KCNK13: variants seen among roughly 807,000 people sequenced by gnomAD.
KCNK13 encodes the protein potassium channel subfamily K member 13.
Under a neutral mutation model 23.4 loss-of-function variants are expected in KCNK13, and 12 were observed. The ratio of observed to expected loss-of-function variants is 0.51; its 90% CI spans 0.33 to 0.83. The LOEUF is 0.83. Among genes scored for constraint, KCNK13 ranks in the 40% least tolerant of loss-of-function variants. The pLI is 0.02. For missense variants in KCNK13, 463 were observed against 556.3 expected, an observed-to-expected ratio of 0.83 and a Z score of 1.69; for synonymous variants, 231 against 229.5, an observed-to-expected ratio of 1.01 and a Z score of -0.06.
chr14:90,173,689 A>T (rs1451593772), intron 1 of KCNK13, among the ~76,000 whole-genome samples: 2 of 152,168 alleles, frequency 1.3e-5, no homozygotes, highest in African/African-American at 4.8e-5. Context: ...CTTGCAAGCA[A>T]GGGAAAATTT....
At chr14:90,083,581 C>T (rs1889237987) in intron 1 of KCNK13, among the ~76,000 whole-genome samples, 1 of 152,106 alleles carries the variant, frequency 6.6e-6, no homozygotes, top group Non-Finnish European at 1.5e-5. Context: ...AGGGCTCTGC[C>T]CACTTGGATG....
Position 90,185,150 on chromosome 14 carries a change from C to T in KCNK13, c.*147C>T, listed in dbSNP as rs1192042405. On this transcript the variant is annotated 3_prime_UTR_variant, in exon 2 of 2. Transcript: ENST00000282146. The stretch of plus-strand genomic sequence containing the variant: ...GCAAGCATCTTTAGAAATCTGATCT[C>T]GGCTCCAACCAACAGCCACCTTCCA... 6 of 657,114 alleles carry T rather than the reference C, an allele frequency of 9.1e-6. No homozygotes were observed. Among genetic ancestry groups the T allele is most frequent in the African/African-American group, 9.0e-5 (5 of 55,504 alleles). 40.7% of individuals were successfully genotyped at this position (657,114 alleles called of 1,614,324 possible).
intron 1 of KCNK13, among the ~76,000 whole-genome samples, chr14:90,081,482 CAT>C (rs1889209273): frequency 6.6e-6 from 1 of 152,220 alleles, no homozygotes; most frequent in South Asian, 2.1e-4. Flanking sequence ...AGCACACACA[CAT>C]GAGGTCCTTC....
chr14:90,139,121 T>C (rs933815575), intron 1 of KCNK13, among the ~76,000 whole-genome samples: 3 of 152,100 alleles, frequency 2.0e-5, no homozygotes, highest in Admixed American at 1.3e-4. Context: ...TGCTAACTGG[T>C]GAGGTCCGTC....
chr14:90,162,023 C>T (rs1256260561), intron 1 of KCNK13, among the ~76,000 whole-genome samples: 1 of 152,060 alleles, frequency 6.6e-6, no homozygotes, highest in East Asian at 1.9e-4. Flanking sequence ...TACAATACAT[C>T]AAAAAACTTA....
intron 1 of KCNK13, among the ~76,000 whole-genome samples, chr14:90,134,529 A>T (rs1340303514): frequency 6.6e-6 from 1 of 152,240 alleles, no homozygotes; most frequent in Non-Finnish European, 1.5e-5. Context: ...TGAAATGTTG[A>T]TGTTTGTAGA....
chr14:90,078,703 G>A (rs547441642), intron 1 of KCNK13, among the ~76,000 whole-genome samples: 56 of 152,076 alleles, frequency 3.7e-4, no homozygotes, highest in Non-Finnish European at 6.3e-4. Flanking sequence ...TGATTTCATG[G>A]GCTAATGGGT....
chr14:90,093,298 T>C (rs905746233), intron 1 of KCNK13, among the ~76,000 whole-genome samples: 4 of 152,224 alleles, frequency 2.6e-5, no homozygotes, highest in Non-Finnish European at 5.9e-5. Flanking sequence ...AATTAACTAG[T>C]TGAGCAGAAC....
intron 1 of KCNK13, among the ~76,000 whole-genome samples, chr14:90,103,736 T>C (rs1889508907): frequency 6.6e-6 from 1 of 152,168 alleles, no homozygotes; most frequent in African/African-American, 2.4e-5. Context: ...CTAATTTTTG[T>C]ATTTTTAGTA....
rs753595002 is a variant in KCNK13, at chr14:90,062,316, C to T, written c.111C>T (p.Val37=). Reference sequence around the variant, plus strand: ...TCTACCTGCTGGGCGGCGCCGCCGTCTTCTCCGCGCTGGAGCTGGCGCACG... The same window carrying T: ...TCTACCTGCTGGGCGGCGCCGCCGTTTTCTCCGCGCTGGAGCTGGCGCACG... ...IVLYLLGGAA[V]FSALELAHER... Residue 37 remains valine (V), a synonymous_variant, in exon 1 of 2, where the codon GTC becomes GTT. Transcript: ENST00000282146. The surrounding 1 kb of genome is among the most constrained non-coding windows in gnomAD (Gnocchi z 4.5). 34 of 1,554,874 alleles carry T rather than the reference C, an allele frequency of 2.2e-5. No homozygotes were observed. The highest frequency in any genetic ancestry group is 2.9e-5 in the Non-Finnish European group (34 of 1,156,970).
At chr14:90,163,050 G>A (rs1890267465) in intron 1 of KCNK13, among the ~76,000 whole-genome samples, 1 of 152,194 alleles carries the variant, frequency 6.6e-6, no homozygotes, top group African/African-American at 2.4e-5. Flanking sequence ...AGAAACTGCT[G>A]GAGAAACAAC....
chr14:90,131,691 C>T (rs1596791517), intron 1 of KCNK13, among the ~76,000 whole-genome samples: 1 of 152,182 alleles, frequency 6.6e-6, no homozygotes, highest in East Asian at 1.9e-4. Flanking sequence ...TCACACCCAG[C>T]GAATGTTTTG....
chr14:90,154,423 G>A (rs548334775), intron 1 of KCNK13, among the ~76,000 whole-genome samples: 4 of 143,756 alleles, frequency 2.8e-5, no homozygotes, highest in East Asian at 4.1e-4. Flanking sequence ...CAGTGCCATG[G>A]TCTTCCACCC....
At chr14:90,101,810 A>AAAAAAAAAAAAAAAAAC (rs1465117776) in intron 1 of KCNK13, among the ~76,000 whole-genome samples, 4 of 149,318 alleles carry the variant, frequency 2.7e-5, no homozygotes, top group African/African-American at 9.9e-5. Flanking sequence ...AAAAAAAAAA[A>AAAAAAAAAAAAAAAAAC]AACCTCACAA....
chr14:90,143,348 G>T (rs1351069621), intron 1 of KCNK13, among the ~76,000 whole-genome samples: 1 of 151,190 alleles, frequency 6.6e-6, no homozygotes, highest in Non-Finnish European at 1.5e-5. Flanking sequence ...GCTGGGATTC[G>T]CAGCTTTTCA....
chr14:90,095,372 G>A (rs562516710), intron 1 of KCNK13, among the ~76,000 whole-genome samples: 1 of 152,336 alleles, frequency 6.6e-6, no homozygotes, highest in Non-Finnish European at 1.5e-5. Flanking sequence ...CAGTAGCTCT[G>A]AGACAGAGCC....
chr14:90,099,791 G>A (rs1389502649), intron 1 of KCNK13, among the ~76,000 whole-genome samples: 2 of 152,180 alleles, frequency 1.3e-5, no homozygotes, highest in Non-Finnish European at 2.9e-5. Flanking sequence ...GAGGATCTGG[G>A]ACCTCTGCTC....
intron 1 of KCNK13, among the ~76,000 whole-genome samples, chr14:90,156,849 C>G (rs540650370): frequency 6.6e-6 from 1 of 152,336 alleles, no homozygotes; most frequent in Non-Finnish European, 1.5e-5. Flanking sequence ...TGCTCTCCTT[C>G]TGCAAGCTGG....
chr14:90,116,370 A>C (rs1889676971), intron 1 of KCNK13, among the ~76,000 whole-genome samples: 1 of 152,220 alleles, frequency 6.6e-6, no homozygotes, highest in Non-Finnish European at 1.5e-5. Context: ...AAAAACAAGC[A>C]TGGCTGTGGT....
Sources: gnomAD v4.1 joint callset for allele counts (sites outside exome capture counted in the v4.1 genomes callset) on GRCh38, gnomAD v4.1.1 for gene constraint, Gnocchi (gnomAD v3.1) non-coding constraint, MANE v1.5 for transcripts, NCBI Gene and HGNC (gene_info 2026-07-23, HGNC 2026-07-21) for gene names.